Variants in TFR2 observed in about 807,000 individuals in gnomAD.
TFR2 encodes the protein transferrin receptor protein 2.
Under a neutral mutation model 91.9 loss-of-function variants are expected in TFR2, and 64 were observed. That is an observed-to-expected ratio of 0.70 (90% CI 0.57 to 0.86). The LOEUF is 0.86. TFR2 is among the 40% of genes least tolerant of loss of function. TFR2 has a pLI of 0.00. For missense variants in TFR2, 950 were observed against 1,080.5 expected (o/e 0.88, Z 1.69); for synonymous variants, 454 against 459.6 (o/e 0.99, Z 0.15).
At chr7:100,639,748 A>G (rs1803653104) in intron 3 of TFR2, 1 of 151,490 alleles carries the variant, frequency 6.6e-6, no homozygotes, top group East Asian at 1.9e-4. Flanking sequence ...ATCTGCACCC[A>G]CAAATGCATT....
chr7:100,631,305 CTTTTTTTT>C (rs542161282), intron 8 of TFR2, among the ~76,000 whole-genome samples: 41 of 95,694 alleles, frequency 4.3e-4, no homozygotes, highest in Middle Eastern at 6.4e-3. Context: ...AGAAGAGTCA[CTTTTTTTT>C]TTTTTTTTTT....
chr7:100,627,865 C>T (rs377429498), intron 13 of TFR2, 42 bp downstream of exon 13: 2 of 1,614,022 alleles, frequency 1.2e-6, no homozygotes, highest in African/African-American at 2.7e-5. Flanking sequence ...CTCCTCCCCG[C>T]AACCTACTCC....
chr7:100,629,066 C>T (rs544203749), intron 10 of TFR2, among the ~76,000 whole-genome samples, 187 bp downstream of exon 10: 3 of 152,176 alleles, frequency 2.0e-5, no homozygotes, highest in Non-Finnish European at 2.9e-5. Context: ...CCCGGCCTCA[C>T]TTTCATTTTT....
intron 17 of TFR2, among the ~76,000 whole-genome samples, chr7:100,624,749 C>A (rs1803206057): frequency 6.6e-6 from 1 of 151,934 alleles, no homozygotes; most frequent in South Asian, 2.1e-4. Flanking sequence ...TCCTTGTAGT[C>A]CCAGCTACTC....
In TFR2 at chr7:100,640,846, G is replaced by A. The variant is rs80338878; in HGVS notation, c.313C>T (p.Arg105Ter). The A allele has an allele frequency of 6.2e-6, 10 of 1,613,984 alleles. No homozygotes were observed. The highest frequency in any genetic ancestry group is 5.5e-5 in the South Asian group (5 of 91,084). Residue 105 changes from arginine to a stop codon, truncating the protein, a stop_gained, in exon 3 of 18, where the codon CGA (arginine) becomes TGA (stop). Coordinates refer to ENST00000223051, the MANE Select transcript of TFR2 (RefSeq NM_003227.4). LOFTEE classifies it high-confidence loss of function. ...GAFLLGYVAF[R>*]GSCQACGDSV... is the part of the protein sequence containing the mutation. ...TCTCCGCACGCCTGGCAGGACCCTC[G>A]GAAGGCGACGTAGCCCAGTAGGAAG...
At chr7:100,641,313 G>A in intron 1 of TFR2, 85 bp from the exon 2 acceptor site, 1 of 1,507,366 alleles carries the variant, frequency 6.6e-7, no homozygotes, top group Non-Finnish European at 8.9e-7. Context: ...CAGTGACTTG[G>A]GGGTGTCAAA....
At chr7:100,625,539 A>T (rs1803230368) in intron 17 of TFR2, among the ~76,000 whole-genome samples, 1 of 152,168 alleles carries the variant, frequency 6.6e-6, no homozygotes. Context: ...CCCCTGTTCC[A>T]GTAGAGGAGG....
At position 100,640,648 on chromosome 7, in the gene TFR2, G is replaced by T. The variant is rs1341529521; in HGVS notation, c.473+38C>A. ...GCCCAGTCTGAGCGGATGAGGGGAG[G>T]GACACTCGAGAACAGGATGGGGCAG... On this transcript the variant is annotated intron_variant, in intron 3 of 17. Transcript: ENST00000223051. The T allele has an allele frequency of 1.9e-6, 3 of 1,602,440 alleles. No homozygotes were observed. The African/African-American group carries it at 4.0e-5, about 21-fold the overall frequency.
Position 100,632,083 on chromosome 7 carries a change from T to A in TFR2, c.965A>T (p.His322Leu). The change falls in exon 7 of 18, where the codon CAT (histidine) becomes CTT (leucine). Residue 322 changes from histidine (H) to leucine (L), a missense_variant and splice_region_variant. Physicochemically the swap from His to Leu is moderately conservative, Grantham distance 99. Coordinates refer to ENST00000223051, the MANE Select transcript of TFR2 (RefSeq NM_003227.4). ...CACGACCAGCCTCCCCAGACTCACA[T>A]GTCCATACACTGCCTGCTGGCTGGA... ...SLSSQQAVYGHVHLGTGDPYT... is the reference protein window; with the variant it reads ...SLSSQQAVYGLVHLGTGDPYT... 1 of 1,614,170 alleles carries A rather than the reference T, an allele frequency of 6.2e-7. No individual in the cohort carries two copies. The highest frequency in any genetic ancestry group is 2.2e-5 in the East Asian group (1 of 44,878).
At chr7:100,638,155 C>T (rs1803614298) in intron 3 of TFR2, among the ~76,000 whole-genome samples, 2 of 152,056 alleles carry the variant, frequency 1.3e-5, no homozygotes. Context: ...AGGTGCCCGC[C>T]ACCACGCCCA....
chr7:100,632,718 A>C (rs1203185355), intron 6 of TFR2: 2 of 15,422 alleles, frequency 1.3e-4, no homozygotes, highest in Non-Finnish European at 2.0e-4. Flanking sequence ...CCAGCTAACT[A>C]AAAAAAAAAA....
At chr7:100,639,787 C>CT (rs34001263) in intron 3 of TFR2, 113,687 of 132,866 alleles carry the variant, frequency 0.86, 48,821 homozygotes, top group African/African-American at 0.93. Flanking sequence ...TTTTTCTTTT[C>CT]TTTTTTTTTT....
At chr7:100,622,340 G>A (rs1322665492) in intron 17 of TFR2, among the ~76,000 whole-genome samples, 1 of 152,116 alleles carries the variant, frequency 6.6e-6, no homozygotes, top group Admixed American at 6.6e-5. Flanking sequence ...CAGCCATCTG[G>A]ACCTCCCCAC....
chr7:100,622,906 C>A (rs1803146131), intron 17 of TFR2, among the ~76,000 whole-genome samples: 1 of 151,822 alleles, frequency 6.6e-6, no homozygotes, highest in Non-Finnish European at 1.5e-5. Flanking sequence ...TTGCAGTGAG[C>A]CAAGATCGTG....
chr7:100,626,223 A>G (rs1803245299), intron 17 of TFR2, among the ~76,000 whole-genome samples: 1 of 152,156 alleles, frequency 6.6e-6, no homozygotes, highest in Non-Finnish European at 1.5e-5. Flanking sequence ...GCTGCAAAGG[A>G]TTCAAAGCTA....
chr7:100,631,007 G>C lies in TFR2; in HGVS notation c.1152C>G (p.Leu384=). The part of the protein sequence containing the change: ...PVAPQEWQGS[L]LGSPYHLGPG... ...GGCCCAGGTGATAAGGGGAGCCTAGGAGGCTCCCCTGCCATTCTTGGGGGG... is the reference window on the plus strand; with the variant it reads ...GGCCCAGGTGATAAGGGGAGCCTAGCAGGCTCCCCTGCCATTCTTGGGGGG... The change falls in exon 9 of 18, where the codon CTC becomes CTG. Residue 384 remains leucine, a synonymous_variant. Coordinates refer to ENST00000223051, the MANE Select transcript of TFR2 (RefSeq NM_003227.4). The C allele has an allele frequency of 1.3e-6, 2 of 1,541,944 alleles. No homozygotes were observed. Among genetic ancestry groups the C allele is most frequent in the Non-Finnish European group, 8.7e-7 (1 of 1,148,622 alleles).
At chr7:100,629,196 T>A in intron 10 of TFR2, 57 bp downstream of exon 10, 8 of 1,606,496 alleles carry the variant, frequency 5.0e-6, no homozygotes, top group Non-Finnish European at 6.8e-6. Flanking sequence ...CCTATCCTCC[T>A]CGGGCCACAG....
intron 17 of TFR2, among the ~76,000 whole-genome samples, chr7:100,621,743 C>T (rs1803118478): frequency 6.6e-6 from 1 of 152,172 alleles, no homozygotes; most frequent in African/African-American, 2.4e-5. Context: ...AGACGAAGGT[C>T]AAGGGGACAG....
Position 100,627,704 on chromosome 7 carries a change from C to G in TFR2, c.1682+40G>C, listed in dbSNP as rs41295909. ...GGAGCGATCTGTGGGTTCAGGCTCC[C>G]CCACATCCCTCCCCAGCTCTCCCTA... On this transcript the variant is annotated intron_variant, in intron 14 of 17. Transcript: ENST00000223051. 743 of 1,613,988 alleles carry G rather than the reference C, an allele frequency of 4.6e-4. 3 individuals carry two copies. The East Asian group carries it at 0.014, about 31-fold the overall frequency.
Sources: gnomAD v4.1 joint callset for allele counts (sites outside exome capture counted in the v4.1 genomes callset) on GRCh38, gnomAD v4.1.1 for gene constraint, MANE v1.5 for transcripts, NCBI Gene and HGNC (gene_info 2026-07-23, HGNC 2026-07-21) for gene names.